CILP2: variants seen among roughly 807,000 people sequenced by gnomAD.
CILP2 encodes CILP-2.
A neutral mutation model predicts 45.6 loss-of-function variants in CILP2; 38 were observed. The ratio of observed to expected loss-of-function variants is 0.83; its 90% CI spans 0.64 to 1.09. The LOEUF (loss-of-function observed/expected upper bound fraction) is 1.09. Ranked by LOEUF, CILP2 falls within the 50% of genes least tolerant of loss-of-function variation. CILP2 has a pLI of 0.00. For missense variants in CILP2, 1,735 were observed against 1,662.2 expected (o/e 1.04, Z -0.76); for synonymous variants, 780 against 723.5 (o/e 1.08, Z -1.25).
rs765575857 is a variant in CILP2, at chr19:19,543,785, C to A, written c.1240C>A (p.Leu414Ile). 6.8e-6 allele frequency: 11 copies of A among 1,613,828 alleles called. No homozygotes were observed. In the Admixed American group the frequency reaches 1.3e-4, roughly 20 times the overall value. The change falls in exon 8 of 8, where the codon CTC becomes ATC. Residue 414 changes from leucine to isoleucine, a missense_variant. By Grantham distance (5) the Leu-to-Ile change is conservative. Coordinates refer to ENST00000291495, the MANE Select transcript of CILP2 (RefSeq NM_153221.2). ...GSGPAYLDVGLCPDTRCPSLA... is the reference protein window; with the variant it reads ...GSGPAYLDVGICPDTRCPSLA... ...TGGCCCTGCCTACCTGGATGTGGGCCTCTGTCCCGACACCCGCTGCCCCAG... is the reference window on the plus strand; with the variant it reads ...TGGCCCTGCCTACCTGGATGTGGGCATCTGTCCCGACACCCGCTGCCCCAG...
chr19:19,544,287 T>G lies in CILP2; in HGVS notation c.1742T>G (p.Leu581Arg), dbSNP rs1161158620. ...GGCGAGCTGGAAGATGAGGCGCCCC[T>G]GGGCGAGCTGGTCCTGCCTTCTGGC... Reference protein sequence around the residue: ...PLGELEDEAPLGELVLPSGAF... With the variant: ...PLGELEDEAPRGELVLPSGAF... Residue 581 changes from leucine (L) to arginine (R), a missense_variant, in exon 8 of 8, where the codon CTG becomes CGG. Transcript: ENST00000291495. The G allele has an allele frequency of 6.8e-6, 11 of 1,613,074 alleles. No individual in the cohort carries two copies. Among genetic ancestry groups the G allele is most frequent in the Admixed American group, 1.7e-5 (1 of 60,002 alleles).
At chr19:19,541,366 C>A in intron 4 of CILP2, 120 bp downstream of exon 4, 3 of 945,894 alleles carry the variant, frequency 3.2e-6, no homozygotes, top group Non-Finnish European at 4.1e-6. Context: ...AGAGGCAGTG[C>A]TTCTCCTGAG....
chr19:19,539,580 A>AAAAAGG, intron 1 of CILP2, 99 bp from the exon 2 acceptor site: 1 of 549,302 alleles, frequency 1.8e-6, no homozygotes, highest in Non-Finnish European at 2.8e-6. Flanking sequence ...AAAAAAAAAA[A>AAAAAGG]GGGGGGGGAT....
rs1326939740 is a variant in CILP2 at position 19,545,237 on chromosome 19, C to T, written c.2692C>T (p.Arg898Cys). ...GGCCCCGGTGACTGCCAGCCACTTC[C>T]GCTTCGCCAGGGTGGAGGCGGACAA... ...QGAPVTASHF[R>C]FARVEADKYE... Residue 898 changes from arginine to cysteine, a missense_variant, in exon 8 of 8, where the codon CGC becomes TGC. Transcript: ENST00000291495. 1.9e-6 allele frequency: 3 copies of T among 1,612,332 alleles called. No homozygotes were observed. Among genetic ancestry groups the T allele is most frequent in the Non-Finnish European group, 2.5e-6 (3 of 1,179,524 alleles).
Position 19,540,247 on chromosome 19 carries a change from A to G in CILP2, c.207A>G (p.Gly69=), listed in dbSNP as rs975340563. ...WTSWFNVDHP[G]GDGDFESLAA... ...CCTGGTTCAACGTGGACCACCCCGG[A>G]GGCGACGGCGACTTCGAGAGCCTGG... Residue 69 remains glycine, a synonymous_variant, in exon 3 of 8, where the codon GGA becomes GGG. Coordinates refer to ENST00000291495, the MANE Select transcript of CILP2 (RefSeq NM_153221.2). 9 of 1,603,188 alleles carry G rather than the reference A, an allele frequency of 5.6e-6. No individual in the cohort carries two copies. The highest frequency in any genetic ancestry group is 7.6e-6 in the Non-Finnish European group (9 of 1,177,532).
Position 19,540,486 on chromosome 19 carries a change from G to A in CILP2, c.436+10G>A, listed in dbSNP as rs928992115. The stretch of plus-strand genomic sequence containing the variant: ...TTCCGCTGCCCACTAGGTGAGGGCG[G>A]GGCTGGATGACGGGGGCGGGGCTTT... On this transcript the variant is annotated intron_variant, in intron 3 of 7. Transcript: ENST00000291495. 2 of 1,409,644 alleles carry A rather than the reference G, an allele frequency of 1.4e-6. No individual in the cohort carries two copies. Among genetic ancestry groups the A allele is most frequent in the African/African-American group, 1.5e-5 (1 of 66,560 alleles). 87.3% of individuals were successfully genotyped at this position (1,409,644 alleles called of 1,614,324 possible). A position where few individuals can be genotyped will look rare whatever the true frequency, so the allele number is the denominator to read the frequency against.
At position 19,540,196 on chromosome 19, in the gene CILP2, G is replaced by A; in HGVS notation, c.164-8G>A. ...CCGCCCTGGTCCCAGCGCGTGCGGTGCCCGCAGAGGCCAGCGAGTGGACGT... is the reference window on the plus strand; with the variant it reads ...CCGCCCTGGTCCCAGCGCGTGCGGTACCCGCAGAGGCCAGCGAGTGGACGT... On this transcript the variant is annotated splice_polypyrimidine_tract_variant and splice_region_variant and intron_variant, in intron 2 of 7. Transcript: ENST00000291495. 1 of 1,572,010 alleles carries A rather than the reference G, an allele frequency of 6.4e-7. No individual in the cohort carries two copies. Among genetic ancestry groups the A allele is most frequent in the South Asian group, 1.1e-5 (1 of 87,634 alleles).
Position 19,544,603 on chromosome 19 carries a change from C to G in CILP2, c.2058C>G (p.Pro686=), listed in dbSNP as rs754141035. The stretch of plus-strand genomic sequence containing the variant: ...CCCTCAAGCTGTGGTCGCTGAACCC[C>G]GAGACCGGCTTGTGGGAGGAGGAGA... ...VEALKLWSLN[P]ETGLWEEESG... Residue 686 remains proline, a synonymous_variant, in exon 8 of 8, where the codon CCC becomes CCG. Coordinates refer to ENST00000291495, the MANE Select transcript of CILP2 (RefSeq NM_153221.2). 1.9e-6 allele frequency: 3 copies of G among 1,578,002 alleles called. No individual in the cohort carries two copies. Among genetic ancestry groups the G allele is most frequent in the Admixed American group, 1.8e-5 (1 of 57,122 alleles).
rs751641444 is a variant in CILP2 at position 19,544,680 on chromosome 19, G to T, written c.2135G>T (p.Arg712Leu). Reference protein sequence around the residue: ...SSGPRVRREERVFLVGNVEIR... With the variant: ...SSGPRVRREELVFLVGNVEIR... ...GGCCCCCGGGTGCGCCGGGAGGAGC[G>T]CGTCTTCCTGGTGGGCAACGTGGAG... The change falls in exon 8 of 8, where the codon CGC (arginine) becomes CTC (leucine). Residue 712 changes from arginine to leucine, a missense_variant. By Grantham distance (102) the Arg-to-Leu change is moderately radical. Transcript: ENST00000291495. 2.4e-5 allele frequency: 37 copies of T among 1,573,554 alleles called. No homozygotes were observed. The highest frequency in any genetic ancestry group is 3.1e-5 in the Non-Finnish European group (36 of 1,166,166).
chr19:19,545,104 C>T lies in CILP2; in HGVS notation c.2559C>T (p.Ala853=), dbSNP rs2061259488. Residue 853 remains alanine, a synonymous_variant, in exon 8 of 8, where the codon GCC becomes GCT. Transcript: ENST00000291495. ...GYRRTDHDDP[A]FKRNGFRINL... is the part of the protein sequence containing the mutation. ...GTCGGACGGACCACGACGATCCCGC[C>T]TTCAAGCGTAACGGCTTCCGCATCA... 6.2e-7 allele frequency: 1 copy of T among 1,611,894 alleles called. No homozygotes were observed. Among genetic ancestry groups the T allele is most frequent in the East Asian group, 2.2e-5 (1 of 44,852 alleles).
At chr19:19,541,482 G>T (rs989336118) in intron 4 of CILP2, among the ~76,000 whole-genome samples, 12 of 152,188 alleles carry the variant, frequency 7.9e-5, no homozygotes, top group Admixed American at 7.8e-4. Context: ...AAACTCTGGA[G>T]CCAGGTGGAG....
Position 19,542,892 on chromosome 19 carries a change from G to A in CILP2, c.897G>A (p.Glu299=). 6.2e-7 allele frequency: 1 copy of A among 1,614,088 alleles called. No homozygotes were observed. Among genetic ancestry groups the A allele is most frequent in the African/African-American group, 1.3e-5 (1 of 75,026 alleles). Residue 299 remains glutamate, a synonymous_variant, in exon 6 of 8, where the codon GAG becomes GAA. Transcript: ENST00000291495. ...LEKPYLVKHP[E]SRVREAGQNV... is the part of the protein sequence containing the mutation. ...AGCCGTACCTGGTGAAACACCCTGA[G>A]TCCCGAGTGCGAGAGGCTGGCCAGA...
rs746565761 is a variant in CILP2 at position 19,544,716 on chromosome 19, G to C, written c.2171G>C (p.Arg724Pro). Residue 724 changes from arginine to proline, a missense_variant, in exon 8 of 8, where the codon CGG becomes CCG. Transcript: ENST00000291495. ...FLVGNVEIRE[R>P]RLFNLDVPER... ...GTGGGCAACGTGGAGATCCGGGAGC[G>C]GCGCCTGTTCAATCTGGACGTGCCT... 2.5e-6 allele frequency: 4 copies of C among 1,594,946 alleles called. No homozygotes were observed. In the South Asian group the frequency reaches 3.3e-5, roughly 13 times the overall value.
Position 19,542,463 on chromosome 19 carries a change from G to A in CILP2, c.681G>A (p.Arg227=). ...TPSGQPLLGA[R]VSLRDQPGTV... is the part of the protein sequence containing the mutation. ...CTGGGCAACCACTGCTAGGAGCCAG[G>A]GTCTCCCTGCGAGACCAGCCTGGCA... Residue 227 remains arginine, a synonymous_variant, in exon 5 of 8, where the codon AGG becomes AGA. Coordinates refer to ENST00000291495, the MANE Select transcript of CILP2 (RefSeq NM_153221.2). The A allele has an allele frequency of 6.2e-7, 1 of 1,613,110 alleles. No homozygotes were observed. Among genetic ancestry groups the A allele is most frequent in the Middle Eastern group, 1.7e-4 (1 of 6,060 alleles).
chr19:19,538,490 C>A, intron 1 of CILP2, 77 bp downstream of exon 1: 1 of 1,202,822 alleles, frequency 8.3e-7, no homozygotes, highest in East Asian at 3.1e-5. Context: ...TGAAGCCGCA[C>A]TCGGGGAGAG....
In CILP2 at chr19:19,544,362, G is replaced by T. The variant is rs1383451765; in HGVS notation, c.1817G>T (p.Arg606Leu). 1 of 1,609,164 alleles carries T rather than the reference G, an allele frequency of 6.2e-7. No individual in the cohort carries two copies. The highest frequency in any genetic ancestry group is 1.3e-5 in the African/African-American group (1 of 74,742). Reference sequence around the variant, plus strand: ...CCCTACTCGGGGCCTGTGGAGGCCCGGGTGACGTTCGTGGACCCCCGAGAC... The same window carrying T: ...CCCTACTCGGGGCCTGTGGAGGCCCTGGTGACGTTCGTGGACCCCCGAGAC... ...GKPYSGPVEA[R>L]VTFVDPRDLT... Residue 606 changes from arginine (R) to leucine (L), a missense_variant, in exon 8 of 8, where the codon CGG becomes CTG. By Grantham distance (102) the Arg-to-Leu change is moderately radical. Coordinates refer to ENST00000291495, the MANE Select transcript of CILP2 (RefSeq NM_153221.2).
intron 5 of CILP2, 73 bp from the exon 6 acceptor site, chr19:19,542,791 G>C: frequency 6.4e-7 from 1 of 1,553,284 alleles, no homozygotes; most frequent in Non-Finnish European, 8.9e-7. Flanking sequence ...CTGGGAGAAA[G>C]GAGAGGATGG....
At chr19:19,543,430 G>A (rs372602791) in intron 7 of CILP2, 25 bp downstream of exon 7, 28 of 1,611,170 alleles carry the variant, frequency 1.7e-5, no homozygotes, top group African/African-American at 1.1e-4. Context: ...CCACAGCCCC[G>A]AGCAAGCCTT....
Position 19,546,159 on chromosome 19 carries a change from A to G in CILP2, c.*143A>G. ...CCCTTTCCAGAACTCAGAGTCAGAC[A>G]AGAACCCAGAGCATCCGATGGTAGA... On this transcript the variant is annotated 3_prime_UTR_variant, in exon 8 of 8. Transcript: ENST00000291495. 2 of 594,432 alleles carry G rather than the reference A, an allele frequency of 3.4e-6. No homozygotes were observed. Among genetic ancestry groups the G allele is most frequent in the Non-Finnish European group, 5.3e-6 (2 of 376,166 alleles). 36.8% of individuals were successfully genotyped at this position (594,432 alleles called of 1,614,324 possible).
Sources: gnomAD v4.1 joint callset for allele counts (sites outside exome capture counted in the v4.1 genomes callset) on GRCh38, gnomAD v4.1.1 for gene constraint, MANE v1.5 for transcripts, NCBI Gene and HGNC (gene_info 2026-07-23, HGNC 2026-07-21) for gene names.